Variants in PTCHD4 observed in about 807,000 individuals in gnomAD.
PTCHD4 encodes the protein patched domain-containing protein 4.
PTCHD4 carries 33 observed loss-of-function variants against 58.1 expected under a neutral mutation model. That is an observed-to-expected ratio of 0.57 (90% CI 0.43 to 0.76). The LOEUF (loss-of-function observed/expected upper bound fraction) is 0.76. Among genes scored for constraint, PTCHD4 ranks in the 30% least tolerant of loss-of-function variants. The probability of loss-of-function intolerance (pLI) is 0.00; values close to 1 mark genes in which losing one functional copy is unlikely to be tolerated. For missense variants in PTCHD4, 1,058 were observed against 1,027.1 expected (o/e 1.03, Z -0.41); for synonymous variants, 478 against 409.6 (o/e 1.17, Z -2.02).
At chr6:47,991,134 A>G (rs1768267681) in intron 4 of PTCHD4, among the ~76,000 whole-genome samples, 1 of 152,172 alleles carries the variant, frequency 6.6e-6, no homozygotes, top group South Asian at 2.1e-4. Flanking sequence ...TAGATTTTGT[A>G]AAAACCATGA....
intron 4 of PTCHD4, among the ~76,000 whole-genome samples, chr6:47,972,195 G>C (rs1767537427): frequency 1.3e-5 from 2 of 152,148 alleles, no homozygotes; most frequent in South Asian, 4.1e-4. Flanking sequence ...AAAGTCAATA[G>C]ATGATGTACA....
intron 3 of PTCHD4, among the ~76,000 whole-genome samples, chr6:48,033,590 A>C (rs1389580750): frequency 6.6e-6 from 1 of 151,888 alleles, no homozygotes; most frequent in Admixed American, 6.6e-5. Flanking sequence ...CAGTGAATCT[A>C]GGCATTAAGA....
intron 4 of PTCHD4, among the ~76,000 whole-genome samples, chr6:47,882,705 CCTATTTG>C (rs1393249173): frequency 9.2e-6 from 1 of 109,016 alleles, no homozygotes; most frequent in Non-Finnish European, 1.9e-5. Context: ...GTTAAAGTCT[CCTATTTG>C]CTATGAATCC....
chr6:48,076,092 T>G (rs13193971), intron 1 of PTCHD4, among the ~76,000 whole-genome samples: 1 of 152,248 alleles, frequency 6.6e-6, no homozygotes, highest in African/African-American at 2.4e-5. Flanking sequence ...AAGTATTTTG[T>G]TGTCACTTCA....
At chr6:47,952,743 T>C (rs1766701531) in intron 4 of PTCHD4, among the ~76,000 whole-genome samples, 1 of 152,138 alleles carries the variant, frequency 6.6e-6, no homozygotes, top group East Asian at 1.9e-4. Context: ...CTATAGCATA[T>C]AGCCAAAGTG....
chr6:48,108,458 G>T (rs992118910), intron 1 of PTCHD4, among the ~76,000 whole-genome samples: 4 of 152,134 alleles, frequency 2.6e-5, no homozygotes, highest in African/African-American at 7.2e-5. Flanking sequence ...GTTGTGGGGT[G>T]GGGGGAGCGG....
At chr6:47,966,327 C>T (rs776880566) in intron 4 of PTCHD4, among the ~76,000 whole-genome samples, 25 of 151,916 alleles carry the variant, frequency 1.6e-4, no homozygotes, top group Non-Finnish European at 3.2e-4. Flanking sequence ...AGCATTATGT[C>T]TGAGAATGTA....
Position 48,068,713 on chromosome 6 carries a change from G to T in PTCHD4, c.6-72C>A, listed in dbSNP as rs2113880831. On this transcript the variant is annotated intron_variant, in intron 2 of 4. Coordinates refer to ENST00000339488, the MANE Select transcript of PTCHD4 (RefSeq NM_001384253.1). This position sits in a 1 kb window ranked among gnomAD's most constrained non-coding sequence, Gnocchi z 4.2. ...TCCCCCATCCCACCCCCTGGGGCCA[G>T]TCCCCCCTCCCCACCGCCGCCGCCT... 4 of 1,367,554 alleles carry T rather than the reference G, an allele frequency of 2.9e-6. No individual in the cohort carries two copies. Among genetic ancestry groups the T allele is most frequent in the South Asian group, 1.4e-5 (1 of 69,534 alleles). The allele number at this position is 1,367,554 out of a possible 1,614,324, so 84.7% of individuals were successfully genotyped here. A position where few individuals can be genotyped will look rare whatever the true frequency, so the allele number is the denominator to read the frequency against.
At chr6:47,955,695 A>G (rs1766830773) in intron 4 of PTCHD4, among the ~76,000 whole-genome samples, 1 of 152,242 alleles carries the variant, frequency 6.6e-6, no homozygotes, top group African/African-American at 2.4e-5. Flanking sequence ...ATTTAGTAAG[A>G]GTAAGGCTTA....
At position 47,870,207 on chromosome 6, in the gene PTCHD4, CT is replaced by C. The variant is rs1251745168; in HGVS notation, c.*8095del. 4.6e-5 allele frequency among the ~76,000 whole-genome samples: 7 copies of C among 151,476 alleles called. No homozygotes were observed. The East Asian group carries it at 9.8e-4, about 21-fold the overall frequency. On this transcript the variant is annotated 3_prime_UTR_variant, in exon 5 of 5. Coordinates refer to ENST00000339488, the MANE Select transcript of PTCHD4 (RefSeq NM_001384253.1). ...ACTGTAGTAAATATGATTTTGATGA[CT>C]TTTTTTTCCAAGTAGCTAAGATTTA...
intron 4 of PTCHD4, among the ~76,000 whole-genome samples, chr6:47,888,080 G>C (rs1167590797): frequency 6.6e-6 from 1 of 152,164 alleles, no homozygotes; most frequent in Non-Finnish European, 1.5e-5. Context: ...GAGTAGGGAC[G>C]GGCATGGTGG....
chr6:48,061,530 G>A lies in PTCHD4; in HGVS notation c.417+6700C>T, dbSNP rs3904329. 3.0e-3 allele frequency among the ~76,000 whole-genome samples: 463 copies of A among 152,270 alleles called. 3 individuals are homozygous for A. The highest frequency in any genetic ancestry group is 0.011 in the African/African-American group (440 of 41,548). Reference sequence around the variant, plus strand: ...GGTCAACCTTGAGTTTTAGATCTGAGCGTCTCTAACACAAAGGGGCATATT... The same window carrying A: ...GGTCAACCTTGAGTTTTAGATCTGAACGTCTCTAACACAAAGGGGCATATT... On this transcript the variant is annotated intron_variant, in intron 3 of 4. Coordinates refer to ENST00000339488, the MANE Select transcript of PTCHD4 (RefSeq NM_001384253.1).
At chr6:47,956,426 T>C (rs994057954) in intron 4 of PTCHD4, among the ~76,000 whole-genome samples, 1 of 145,752 alleles carries the variant, frequency 6.9e-6, no homozygotes, top group Non-Finnish European at 1.5e-5. Context: ...GAGAGTATGG[T>C]TTTTTTTTTA....
rs565151351 is a variant in PTCHD4, at chr6:48,107,719, T to A, written c.-970+3330A>T. On this transcript the variant is annotated intron_variant, in intron 1 of 4. Coordinates refer to ENST00000339488, the MANE Select transcript of PTCHD4 (RefSeq NM_001384253.1). ...CTACTCATCTGACAAAGGGCTAATA[T>A]CCAGAATCTACAATGAACTCAAACA... Among the ~76,000 whole-genome samples, 1,070 of 151,778 alleles carry A rather than the reference T, an allele frequency of 7.0e-3. 10 individuals carry two copies. Among genetic ancestry groups the A allele is most frequent in the African/African-American group, 0.025 (1,023 of 41,338 alleles).
intron 3 of PTCHD4, among the ~76,000 whole-genome samples, chr6:48,035,045 C>T (rs1019773583): frequency 6.6e-6 from 1 of 152,044 alleles, no homozygotes; most frequent in African/African-American, 2.4e-5. Context: ...TCTTGTATAC[C>T]AAAATGTATA....
At chr6:48,090,241 T>C (rs979094464) in intron 1 of PTCHD4, among the ~76,000 whole-genome samples, 10 of 152,204 alleles carry the variant, frequency 6.6e-5, no homozygotes, top group Non-Finnish European at 1.0e-4. Flanking sequence ...GCAATTATTA[T>C]AGTCACTGCA....
chr6:47,911,466 T>G (rs910688193), intron 4 of PTCHD4, among the ~76,000 whole-genome samples: 41 of 152,240 alleles, frequency 2.7e-4, no homozygotes, highest in African/African-American at 9.6e-4. Flanking sequence ...TTTCTTTACA[T>G]CACAAGTCTT....
chr6:47,931,105 C>T (rs1024190067), intron 4 of PTCHD4, among the ~76,000 whole-genome samples: 32 of 152,224 alleles, frequency 2.1e-4, no homozygotes, highest in African/African-American at 7.0e-4. Flanking sequence ...TTTTATTTGA[C>T]GCTGACTTTG....
chr6:47,907,242 C>T (rs1456980124), intron 4 of PTCHD4, among the ~76,000 whole-genome samples: 3 of 152,142 alleles, frequency 2.0e-5, no homozygotes, highest in Non-Finnish European at 2.9e-5. Flanking sequence ...TCCTGAGATT[C>T]TGCAGCCAAA....
Sources: allele counts gnomAD v4.1 joint callset (sites outside exome capture counted in the v4.1 genomes callset), GRCh38; gene constraint gnomAD v4.1.1; non-coding constraint Gnocchi (gnomAD v3.1); transcripts MANE v1.5; gene names NCBI Gene and HGNC (gene_info 2026-07-23, HGNC 2026-07-21).